Variants in CIMAP1A observed in about 807,000 individuals in gnomAD.
CIMAP1A encodes cancer/testis antigen 135.
the CIMAP1A span, chr11:198,927 A>G: frequency 8.3e-7 from 1 of 1,201,970 alleles, no homozygotes; most frequent in South Asian, 2.3e-5. Flanking sequence ...TTGGGGGAGG[A>G]GGGTCCTGGT....
chr11:200,160 G>T, the CIMAP1A span: 1 of 810,170 alleles, frequency 1.2e-6, no homozygotes, highest in Non-Finnish European at 1.9e-6. Context: ...ACGCTTGTTT[G>T]GGCAATTGTA....
chr11:197,316 G>A, the CIMAP1A span: 47 of 1,581,086 alleles, frequency 3.0e-5, no homozygotes, highest in South Asian at 4.6e-4. Flanking sequence ...TGACGGAGGA[G>A]GTATGGATGG....
the CIMAP1A span, chr11:198,751 GAGGAGGGGCAGGCAAC>G: frequency 6.9e-7 from 1 of 1,449,144 alleles, no homozygotes; most frequent in Non-Finnish European, 9.1e-7. Context: ...CTGCAGTGGT[GAGGAGGGGCAGGCAAC>G]AGGCCAGAAG....
the CIMAP1A span, chr11:197,430 C>T: frequency 6.3e-7 from 1 of 1,598,024 alleles, no homozygotes; most frequent in South Asian, 1.1e-5. Context: ...GCCTGAGAGA[C>T]TGTGGGAGAG....
the CIMAP1A span, chr11:197,821 G>A: frequency 1.3e-6 from 2 of 1,573,872 alleles, no homozygotes; most frequent in Non-Finnish European, 8.7e-7. Flanking sequence ...CCTCCCTGCT[G>A]GGTGCCCCTA....
chr11:197,982 C>T, the CIMAP1A span: 3 of 1,532,750 alleles, frequency 2.0e-6, no homozygotes, highest in African/African-American at 1.4e-5. Context: ...GCCAGGCCGA[C>T]GTCAGACCCC....
the CIMAP1A span, chr11:198,534 T>G: frequency 2.2e-5 from 36 of 1,612,846 alleles, 1 homozygote; most frequent in South Asian, 3.8e-4. Flanking sequence ...AGCCCTCCTT[T>G]TCCATCAAGG....
chr11:199,008 G>A, the CIMAP1A span: 1 of 1,190,476 alleles, frequency 8.4e-7, no homozygotes, highest in African/African-American at 1.6e-5. Context: ...AGATGGGGAA[G>A]CAGCATCATG....
the CIMAP1A span, chr11:199,183 CAT>C: frequency 2.6e-5 from 37 of 1,429,394 alleles, no homozygotes; most frequent in South Asian, 3.0e-5. Flanking sequence ...GTGACCCCCA[CAT>C]GAGGTACCCC....
the CIMAP1A span, chr11:198,472 G>A: frequency 1.2e-6 from 2 of 1,613,270 alleles, no homozygotes; most frequent in East Asian, 2.2e-5. Context: ...AGGCCCCGCT[G>A]CGTACATGCT....
the CIMAP1A span, chr11:198,007 A>G: frequency 2.6e-6 from 4 of 1,537,192 alleles, no homozygotes; most frequent in Non-Finnish European, 3.5e-6. Flanking sequence ...TCCCTGCTCA[A>G]AAATAGCCTT....
At chr11:200,152 G>A in the CIMAP1A span, 12 of 865,074 alleles carry the variant, frequency 1.4e-5, no homozygotes, top group African/African-American at 6.8e-5. Flanking sequence ...GGCAGAGCAC[G>A]CTTGTTTGGG....
At chr11:198,435 C>T in the CIMAP1A span, 21 of 1,613,096 alleles carry the variant, frequency 1.3e-5, no homozygotes, top group African/African-American at 5.3e-5. Flanking sequence ...GGCCCTGTTC[C>T]GGCCTGAGGC....
chr11:197,657 G>A, the CIMAP1A span: 21 of 1,613,486 alleles, frequency 1.3e-5, 1 homozygote, highest in East Asian at 6.7e-5. Flanking sequence ...CCAGGGCCCC[G>A]TTACAATGTA....
chr11:198,932 C>T, the CIMAP1A span: 1 of 1,197,158 alleles, frequency 8.4e-7, no homozygotes, highest in Non-Finnish European at 1.0e-6. Flanking sequence ...GGAGGAGGGT[C>T]CTGGTTTCAG....
chr11:197,743 A>G, the CIMAP1A span: 3 of 1,613,470 alleles, frequency 1.9e-6, no homozygotes, highest in Non-Finnish European at 2.5e-6. Flanking sequence ...AACCAAGACC[A>G]TGCTGACTCC....
At chr11:200,028 G>C in the CIMAP1A span, 3 of 1,613,826 alleles carry the variant, frequency 1.9e-6, no homozygotes, top group East Asian at 4.5e-5. Context: ...GGTTGATGTG[G>C]AATAACGCCA....
chr11:198,355 GGT>G, the CIMAP1A span: 2 of 1,613,478 alleles, frequency 1.2e-6, no homozygotes, highest in East Asian at 4.5e-5. Flanking sequence ...TCCTGGGTGG[GGT>G]GTGTGACATG....
the CIMAP1A span, chr11:197,164 C>A: frequency 2.3e-6 from 1 of 430,276 alleles, no homozygotes; most frequent in Non-Finnish European, 4.1e-6. Flanking sequence ...GCTGGAGATC[C>A]CCACTGATGC....
Sources: allele counts gnomAD v4.1 joint callset, GRCh38; gene constraint gnomAD v4.1.1; transcripts MANE v1.5; gene names NCBI Gene and HGNC (gene_info 2026-07-23, HGNC 2026-07-21).